Variants in URI1 observed in about 807,000 individuals in gnomAD.
The protein encoded by URI1 is URI1 prefoldin like chaperone.
In URI1, 39 loss-of-function variants were observed where a neutral mutation model predicts 60.2. The observed-to-expected ratio is 0.65, with a 90% confidence interval of 0.50 to 0.85. The LOEUF is 0.85. Among genes scored for constraint, URI1 ranks in the 40% least tolerant of loss-of-function variants. URI1 has a pLI of 0.00. For synonymous variants in URI1, 251 were observed against 236.8 expected (o/e 1.06, Z -0.55); for missense variants, 691 against 665.9 (o/e 1.04, Z -0.42).
At chr19:29,983,804 A>G (rs2055627260) in intron 2 of URI1, among the ~76,000 whole-genome samples, 1 of 152,212 alleles carries the variant, frequency 6.6e-6, no homozygotes. Flanking sequence ...AGTAAGGCCC[A>G]TAGCATGGAA....
At chr19:29,970,478 T>G (rs1052839709) in intron 1 of URI1, among the ~76,000 whole-genome samples, 1 of 151,602 alleles carries the variant, frequency 6.6e-6, no homozygotes, top group African/African-American at 2.4e-5. Flanking sequence ...TTGTCTAGTC[T>G]TCTTATTTTC....
In URI1 at chr19:29,956,861, A is replaced by G. The variant is rs16989114; in HGVS notation, c.117+14197A>G. On this transcript the variant is annotated intron_variant, in intron 1 of 10. Transcript: ENST00000392271. Reference sequence around the variant, plus strand: ...TTTCTTTCCAAGGAGTCTGAGTTCTACGTTGATGTGATTGAAGTCCTTCCG... The same window carrying G: ...TTTCTTTCCAAGGAGTCTGAGTTCTGCGTTGATGTGATTGAAGTCCTTCCG... 3,545 of 1,532,990 alleles carry G rather than the reference A, an allele frequency of 2.3e-3. 77 individuals carry two copies. In the African/African-American group the frequency reaches 0.043, roughly 19 times the overall value. The allele number at this position is 1,532,990 out of a possible 1,614,324, so 95.0% of individuals were successfully genotyped here.
Position 29,954,070 on chromosome 19 carries a change from C to T in URI1, c.117+11406C>T, listed in dbSNP as rs1599669324. On this transcript the variant is annotated intron_variant, in intron 1 of 10. Coordinates refer to ENST00000392271, the MANE Select transcript of URI1 (RefSeq NM_003796.3). ...AGGTTCTTCTTAAATTTTCCCCAGT[C>T]TATATTTGAAACTCCCCTTCTTTCA... Among the ~76,000 whole-genome samples the T allele has an allele frequency of 2.6e-5, 4 of 152,304 alleles. No individual in the cohort carries two copies. The South Asian group carries it at 6.2e-4, about 24-fold the overall frequency.
intron 6 of URI1, among the ~76,000 whole-genome samples, chr19:30,005,945 C>G (rs1420249195): frequency 6.6e-6 from 1 of 151,892 alleles, no homozygotes; most frequent in Non-Finnish European, 1.5e-5. Flanking sequence ...TGGCTTTTTT[C>G]TCCCAAAGTT....
intron 1 of URI1, among the ~76,000 whole-genome samples, chr19:29,960,615 A>C (rs566336183): frequency 6.6e-6 from 1 of 152,194 alleles, no homozygotes; most frequent in East Asian, 1.9e-4. Flanking sequence ...TGTTTTGTCT[A>C]TCTTTAAAAA....
chr19:30,015,581 G>A lies in URI1; in HGVS notation c.*512G>A, dbSNP rs1402989598. ...TTCAAGAAACCTCGCCCCTCTGAAT[G>A]TCATACTGTAATCTTTAAGGAAGAA... On this transcript the variant is annotated 3_prime_UTR_variant, in exon 11 of 11. Transcript: ENST00000392271. The A allele has an allele frequency of 6.5e-7, 1 of 1,532,764 alleles. No homozygotes were observed. The highest frequency in any genetic ancestry group is 8.7e-7 in the Non-Finnish European group (1 of 1,144,940). The allele number at this position is 1,532,764 out of a possible 1,614,324, so 94.9% of individuals were successfully genotyped here.
chr19:29,990,631 G>A (rs1215200593), intron 4 of URI1, among the ~76,000 whole-genome samples: 1 of 152,138 alleles, frequency 6.6e-6, no homozygotes, highest in Admixed American at 6.5e-5. Context: ...ACCATATATT[G>A]TATGATTCCA....
intron 8 of URI1, among the ~76,000 whole-genome samples, chr19:30,009,581 G>A (rs185402723): frequency 6.6e-6 from 1 of 152,226 alleles, no homozygotes; most frequent in African/African-American, 2.4e-5. Flanking sequence ...TTTGGGGTCT[G>A]GAAGGGGATC....
chr19:29,923,862 A>G, intron 1 of URI1: 1 of 1,153,822 alleles, frequency 8.7e-7, no homozygotes, highest in Non-Finnish European at 1.2e-6. Context: ...AACAAGATAC[A>G]GATGGCGCTG....
At chr19:30,000,204 C>G (rs1378416740) in intron 4 of URI1, among the ~76,000 whole-genome samples, 3 of 151,740 alleles carry the variant, frequency 2.0e-5, no homozygotes, top group Admixed American at 2.0e-4. Flanking sequence ...GCATAGTTTT[C>G]TATGTGTCTG....
Position 30,015,058 on chromosome 19 carries a change from C to G in URI1, c.1597C>G (p.Gln533Glu), listed in dbSNP as rs774887145. The G allele has an allele frequency of 6.8e-6, 11 of 1,613,308 alleles. No individual in the cohort carries two copies. The highest frequency in any genetic ancestry group is 9.3e-6 in the Non-Finnish European group (11 of 1,179,538). ...VSKFKAARLQ[Q>E]KD is the part of the protein sequence containing the mutation. ...AAAGTTTAAAGCTGCCAGATTGCAA[C>G]AGAAAGACTAGGCCCTGTCTAGGAA... Residue 533 changes from glutamine (Q) to glutamate (E), a missense_variant, in exon 11 of 11, where the codon CAG becomes GAG. Gln to Glu is a conservative substitution (Grantham distance 29). Coordinates refer to ENST00000392271, the MANE Select transcript of URI1 (RefSeq NM_003796.3).
intron 1 of URI1, among the ~76,000 whole-genome samples, chr19:29,934,189 G>A (rs140371293): frequency 6.6e-6 from 1 of 152,124 alleles, no homozygotes; most frequent in East Asian, 1.9e-4. Context: ...ACCTGCCTTG[G>A]CCTCACAAAT....
rs1296573551 is a variant in URI1 at position 29,942,281 on chromosome 19, G to T, written c.-267G>T. 2.0e-6 allele frequency: 2 copies of T among 985,028 alleles called. No homozygotes were observed. Among genetic ancestry groups the T allele is most frequent in the Admixed American group, 6.2e-5 (1 of 16,178 alleles). 61.0% of individuals were successfully genotyped at this position (985,028 alleles called of 1,614,324 possible). A position where few individuals can be genotyped will look rare whatever the true frequency, so the allele number is the denominator to read the frequency against. ...CGCCACGCGACGCCTGGCTGGGCCCGCACCGGAGAGGCGTCTCGGTACCTG... is the reference window on the plus strand; with the variant it reads ...CGCCACGCGACGCCTGGCTGGGCCCTCACCGGAGAGGCGTCTCGGTACCTG... On this transcript the variant is annotated 5_prime_UTR_variant, in exon 1 of 11. Transcript: ENST00000392271.
intron 1 of URI1, chr19:29,956,281 T>G: frequency 1.3e-6 from 1 of 764,596 alleles, no homozygotes; most frequent in Non-Finnish European, 1.9e-6. Flanking sequence ...TGGCCCAGAG[T>G]AGTCTTTTTT....
In URI1 at chr19:30,012,519, A is replaced by G. The variant is rs979197375; in HGVS notation, c.1413A>G (p.Ser471=). Residue 471 remains serine (S), a synonymous_variant, in exon 10 of 11, where the codon TCA becomes TCG. Coordinates refer to ENST00000392271, the MANE Select transcript of URI1 (RefSeq NM_003796.3). ...ATCAAAAGAAACTTTTGCCCTTATC[A>G]GTAACACCTGAGGTGTGTGTGTGTA... The part of the protein sequence containing the change: ...QENQKKLLPL[S]VTPEAFSGTV... 1.9e-6 allele frequency: 3 copies of G among 1,614,056 alleles called. No individual in the cohort carries two copies. Among genetic ancestry groups the G allele is most frequent in the East Asian group, 4.5e-5 (2 of 44,896 alleles).
chr19:29,990,990 T>C (rs1340261005), intron 4 of URI1, among the ~76,000 whole-genome samples: 1 of 152,204 alleles, frequency 6.6e-6, no homozygotes, highest in Non-Finnish European at 1.5e-5. Flanking sequence ...CCACTCTGTT[T>C]TGATTACTGT....
chr19:29,958,965 A>C (rs901660834), intron 1 of URI1, among the ~76,000 whole-genome samples: 3 of 150,022 alleles, frequency 2.0e-5, no homozygotes, highest in African/African-American at 7.3e-5. Context: ...CAAAAAAAAA[A>C]CAACAAAAAA....
intron 4 of URI1, among the ~76,000 whole-genome samples, chr19:29,994,781 ATTT>A (rs539678001): frequency 5.9e-5 from 8 of 136,518 alleles, no homozygotes; most frequent in Non-Finnish European, 4.8e-5. Context: ...AATTCTGTGG[ATTT>A]TTTTTTTTTT....
At chr19:29,944,144 TA>T (rs2055068519) in intron 1 of URI1, among the ~76,000 whole-genome samples, 1 of 21,742 alleles carries the variant, frequency 4.6e-5, no homozygotes, top group South Asian at 2.0e-3. Context: ...GTCATTCATA[TA>T]TATATATATA....
Sources: allele counts gnomAD v4.1 joint callset (sites outside exome capture counted in the v4.1 genomes callset), GRCh38; gene constraint gnomAD v4.1.1; transcripts MANE v1.5; gene names NCBI Gene and HGNC (gene_info 2026-07-23, HGNC 2026-07-21).